Variants in MYO5C observed in about 807,000 individuals in gnomAD.
MYO5C encodes the protein unconventional myosin-Vc.
In MYO5C, 194 loss-of-function variants were observed where a neutral mutation model predicts 235.7. The ratio of observed to expected loss-of-function variants is 0.82; its 90% CI spans 0.73 to 0.93. The LOEUF is 0.93. Ranked by LOEUF, MYO5C falls within the 40% of genes least tolerant of loss-of-function variation. The pLI, the probability that MYO5C is intolerant of heterozygous loss-of-function variation, is 0.00. For synonymous variants in MYO5C, 707 were observed against 754.8 expected (o/e 0.94, Z 1.04); for missense variants, 2,038 against 2,127.2 (o/e 0.96, Z 0.82).
Position 52,229,204 on chromosome 15 carries a change from G to C in MYO5C, c.3136C>G (p.Leu1046Val), listed in dbSNP as rs772122535. Residue 1046 changes from leucine (L) to valine (V), a missense_variant, in exon 25 of 41, where the codon CTG becomes GTG. Physicochemically the swap from Leu to Val is conservative, Grantham distance 32. Coordinates refer to ENST00000261839, the MANE Select transcript of MYO5C (RefSeq NM_018728.4). ...LKDEKMQLQH[L>V]VEGEHVTSDG... ...GAAGTGACGTGCTCCCCCTCCACCA[G>C]GTGTTGGAGTTGCATCTTCTCATCC... 3 of 1,614,180 alleles carry C rather than the reference G, an allele frequency of 1.9e-6. No homozygotes were observed. Among genetic ancestry groups the C allele is most frequent in the Admixed American group, 3.3e-5 (2 of 60,026 alleles).
At chr15:52,212,596 T>A (rs2035468645) in intron 34 of MYO5C, among the ~76,000 whole-genome samples, 1 of 152,086 alleles carries the variant, frequency 6.6e-6, no homozygotes, top group African/African-American at 2.4e-5. Context: ...GGAGGCAGAT[T>A]TTTCTCCCTA....
intron 13 of MYO5C, chr15:52,251,004 T>C (rs1478203212): frequency 1.3e-5 from 2 of 154,558 alleles, no homozygotes; most frequent in African/African-American, 4.8e-5. Flanking sequence ...AGTTAACCTA[T>C]GTTGCCACTG....
chr15:52,199,809 A>G (rs1036653967), intron 38 of MYO5C, among the ~76,000 whole-genome samples: 2 of 152,212 alleles, frequency 1.3e-5, no homozygotes, highest in South Asian at 2.1e-4. Flanking sequence ...CTGTGGTTCA[A>G]GGTTCTCTCT....
intron 12 of MYO5C, among the ~76,000 whole-genome samples, chr15:52,253,116 C>T (rs567508075): frequency 2.6e-5 from 4 of 152,330 alleles, no homozygotes; most frequent in Admixed American, 6.5e-5. Context: ...GCTCCCCAAG[C>T]GTGGTCTACA....
chr15:52,286,365 G>C (rs2037272393), intron 1 of MYO5C, among the ~76,000 whole-genome samples: 1 of 151,510 alleles, frequency 6.6e-6, no homozygotes, highest in African/African-American at 2.4e-5. Context: ...GGGAGGTGAG[G>C]GGCGCCTCTG....
chr15:52,273,163 T>TA (rs555107710), intron 5 of MYO5C, among the ~76,000 whole-genome samples: 371 of 149,894 alleles, frequency 2.5e-3, no homozygotes, highest in Non-Finnish European at 4.6e-3. Context: ...CTACAAAACA[T>TA]AAAAAAAAAA....
At position 52,261,146 on chromosome 15, in the gene MYO5C, G is replaced by A; in HGVS notation, c.1048-19C>T. The A allele has an allele frequency of 6.2e-7, 1 of 1,610,552 alleles. No homozygotes were observed. Among genetic ancestry groups the A allele is most frequent in the South Asian group, 1.1e-5 (1 of 90,978 alleles). On this transcript the variant is annotated intron_variant, in intron 9 of 40. Coordinates refer to ENST00000261839, the MANE Select transcript of MYO5C (RefSeq NM_018728.4). ...CATCCTCCTTCAAAAACAAGCACAA[G>A]CCCCGTCAGGTGGCCCAGCCATCCA...
chr15:52,196,604 A>C, intron 38 of MYO5C, 121 bp from the exon 39 acceptor site: 1 of 864,292 alleles, frequency 1.2e-6, no homozygotes, highest in Non-Finnish European at 1.8e-6. Flanking sequence ...GCAGTTACTC[A>C]TCTGCAAAAT....
rs796526949 is a variant in MYO5C at position 52,232,168 on chromosome 15, A to AAGGAAGGG, written c.3026+446_3026+453dup. 2.8e-4 allele frequency among the ~76,000 whole-genome samples: 5 copies of AAGGAAGGG among 17,796 alleles called. 1 individual carries two copies. The Admixed American group carries it at 5.2e-3, about 19-fold the overall frequency. 11.7% of individuals were successfully genotyped at this position (17,796 alleles called of 152,430 possible). On this transcript the variant is annotated intron_variant, in intron 24 of 40. Coordinates refer to ENST00000261839, the MANE Select transcript of MYO5C (RefSeq NM_018728.4). ...GGAAGGAAAGGAAGGAAAGGAAGGG[A>AAGGAAGGG]AGGAAGGGAGGAAGGGAGGAAGGGA...
chr15:52,281,764 T>C (rs919898096), intron 2 of MYO5C, among the ~76,000 whole-genome samples: 2 of 152,236 alleles, frequency 1.3e-5, no homozygotes, highest in African/African-American at 4.8e-5. Flanking sequence ...GCTGTGTTCA[T>C]CTGCCTTCCC....
chr15:52,293,036 G>C (rs560974978), intron 1 of MYO5C, among the ~76,000 whole-genome samples: 3 of 152,358 alleles, frequency 2.0e-5, no homozygotes, highest in African/African-American at 7.2e-5. Context: ...TGGTAGAGCA[G>C]AGAATGCCAG....
intron 15 of MYO5C, 68 bp downstream of exon 15, chr15:52,247,390 G>A: frequency 1.3e-6 from 2 of 1,550,552 alleles, no homozygotes; most frequent in African/African-American, 1.4e-5. Flanking sequence ...CGGGTCCTCT[G>A]AGTGCCCTGG....
chr15:52,209,279 TAGAG>T (rs999211846), intron 35 of MYO5C, among the ~76,000 whole-genome samples: 1 of 152,188 alleles, frequency 6.6e-6, no homozygotes, highest in African/African-American at 2.4e-5. Flanking sequence ...TTGGTCAATT[TAGAG>T]AGAATAAAAA....
intron 9 of MYO5C, 150 bp downstream of exon 9, chr15:52,264,040 C>T (rs1363105551): frequency 1.2e-5 from 7 of 585,532 alleles, no homozygotes; most frequent in Non-Finnish European, 2.1e-5. Context: ...GAAGGCAAGC[C>T]CTGGAAACCC....
At chr15:52,202,865 T>A (rs1220409108) in intron 38 of MYO5C, among the ~76,000 whole-genome samples, 2 of 151,938 alleles carry the variant, frequency 1.3e-5, no homozygotes, top group Non-Finnish European at 2.9e-5. Context: ...ACTCAATTTT[T>A]AAAAAATTTT....
intron 14 of MYO5C, among the ~76,000 whole-genome samples, chr15:52,247,886 C>T (rs888483924): frequency 1.3e-5 from 2 of 152,206 alleles, no homozygotes; most frequent in Non-Finnish European, 2.9e-5. Flanking sequence ...CCGTGCCTGG[C>T]TCACACTGTG....
intron 24 of MYO5C, among the ~76,000 whole-genome samples, chr15:52,231,326 G>C (rs1247355066): frequency 3.3e-5 from 5 of 152,070 alleles, no homozygotes; most frequent in African/African-American, 1.2e-4. Context: ...AGGGTGAAGA[G>C]TTTTAATCCC....
At chr15:52,278,369 G>A (rs893326612) in intron 4 of MYO5C, among the ~76,000 whole-genome samples, 8 of 152,038 alleles carry the variant, frequency 5.3e-5, no homozygotes, top group East Asian at 1.9e-4. Context: ...ATGTGTGCAC[G>A]GTGCCTCATT....
At chr15:52,215,877 G>A (rs536297168) in intron 32 of MYO5C, among the ~76,000 whole-genome samples, 1 of 152,112 alleles carries the variant, frequency 6.6e-6, no homozygotes, top group Admixed American at 6.5e-5. Flanking sequence ...TAACAGCCAA[G>A]TCATATTATA....
Sources: allele counts gnomAD v4.1 joint callset (sites outside exome capture counted in the v4.1 genomes callset), GRCh38; gene constraint gnomAD v4.1.1; transcripts MANE v1.5; gene names NCBI Gene and HGNC (gene_info 2026-07-23, HGNC 2026-07-21).